Variants in NCAM1 observed in about 807,000 individuals in gnomAD.
NCAM1 encodes neural cell adhesion molecule 1.
Under a neutral mutation model 109.8 loss-of-function variants are expected in NCAM1, and 14 were observed. The ratio of observed to expected loss-of-function variants is 0.13; its 90% CI spans 0.08 to 0.20. The LOEUF (loss-of-function observed/expected upper bound fraction) is 0.20, where lower values mean the gene tolerates loss of function less well. Among genes scored for constraint, NCAM1 ranks in the 10% least tolerant of loss-of-function variants. The pLI is 1.00. For missense variants in NCAM1, 774 were observed against 1,109.9 expected, an observed-to-expected ratio of 0.70 and a Z score of 4.30; for synonymous variants, 418 against 442.9, an observed-to-expected ratio of 0.94 and a Z score of 0.70.
intron 1 of NCAM1, among the ~76,000 whole-genome samples, chr11:113,165,622 G>A (rs1445267145): frequency 6.6e-6 from 1 of 151,996 alleles, no homozygotes; most frequent in Non-Finnish European, 1.5e-5. Flanking sequence ...AGAGTAGAAT[G>A]TTTTCCTGCA....
intron 1 of NCAM1, among the ~76,000 whole-genome samples, chr11:113,122,766 A>G (rs1429111785): frequency 6.6e-6 from 1 of 152,188 alleles, no homozygotes; most frequent in African/African-American, 2.4e-5. Flanking sequence ...CCTGGGCAAC[A>G]AGAGCGAAAC....
chr11:113,039,040 GA>G lies in NCAM1; in HGVS notation c.52+77383del, dbSNP rs201585477. Among the ~76,000 whole-genome samples, 21 of 152,272 alleles carry G rather than the reference GA, an allele frequency of 1.4e-4. No homozygotes were observed. In the East Asian group the frequency reaches 3.7e-3, roughly 27 times the overall value. ...TACTTATACGACATAGATTTACATG[GA>G]AAAAAATATGCCTAACCAAAGGGAA... is the stretch of plus-strand genomic sequence containing the variant. On this transcript the variant is annotated intron_variant, in intron 1 of 19. Coordinates refer to ENST00000316851, the MANE Select transcript of NCAM1 (RefSeq NM_181351.5).
intron 1 of NCAM1, among the ~76,000 whole-genome samples, chr11:113,184,916 C>T (rs1448461083): frequency 6.6e-6 from 1 of 151,818 alleles, no homozygotes; most frequent in Non-Finnish European, 1.5e-5. Flanking sequence ...GTCATATCTA[C>T]TTTTAGAAAA....
At chr11:113,079,765 T>C (rs1938703036) in intron 1 of NCAM1, among the ~76,000 whole-genome samples, 1 of 152,246 alleles carries the variant, frequency 6.6e-6, no homozygotes, top group Admixed American at 6.5e-5. Flanking sequence ...TCGGTCTGTT[T>C]CACAGTGGCT....
At chr11:113,248,053 G>A (rs782270533) in intron 15 of NCAM1, among the ~76,000 whole-genome samples, 12 of 151,892 alleles carry the variant, frequency 7.9e-5, no homozygotes, top group East Asian at 3.9e-4. Flanking sequence ...GCTATAATTC[G>A]GAACGAAACA....
intron 1 of NCAM1, among the ~76,000 whole-genome samples, chr11:113,166,847 T>G (rs1942816233): frequency 2.0e-5 from 3 of 152,102 alleles, no homozygotes; most frequent in African/African-American, 7.2e-5. Flanking sequence ...CCAAGAAAAA[T>G]GAAATACAAA....
At chr11:113,208,679 G>A (rs1204860012) in intron 7 of NCAM1, among the ~76,000 whole-genome samples, 10 of 151,746 alleles carry the variant, frequency 6.6e-5, no homozygotes, top group Non-Finnish European at 1.3e-4. Context: ...TCTCTCTCTC[G>A]TGACTCTTAC....
chr11:113,010,261 A>T (rs1190132207), intron 1 of NCAM1, among the ~76,000 whole-genome samples: 1 of 152,236 alleles, frequency 6.6e-6, no homozygotes, highest in Non-Finnish European at 1.5e-5. Context: ...CACCTTTAGC[A>T]ATTCATTATG....
At chr11:113,264,579 T>C (rs1040255885) in intron 17 of NCAM1, 1 of 985,260 alleles carries the variant, frequency 1.0e-6, no homozygotes, top group South Asian at 4.7e-5. Flanking sequence ...GCTCTTAGGA[T>C]CACCTTGGGC....
At chr11:112,971,344 G>C (rs549856783) in intron 1 of NCAM1, among the ~76,000 whole-genome samples, 102 of 151,948 alleles carry the variant, frequency 6.7e-4, no homozygotes, top group Non-Finnish European at 1.1e-3. Context: ...GGAAGCTACT[G>C]TCATCGAAGG....
chr11:112,987,566 C>T (rs534043265), intron 1 of NCAM1, among the ~76,000 whole-genome samples: 2 of 152,180 alleles, frequency 1.3e-5, no homozygotes, highest in South Asian at 4.2e-4. Context: ...TATTTAGGTG[C>T]TCTGATGGTG....
chr11:113,104,208 G>T (rs868943718), intron 1 of NCAM1, among the ~76,000 whole-genome samples: 2 of 62,802 alleles, frequency 3.2e-5, no homozygotes, highest in East Asian at 8.7e-4. Context: ...GAGGTGGGGT[G>T]GGGGGGGGGG....
chr11:113,153,294 G>A (rs1942296051), intron 1 of NCAM1, among the ~76,000 whole-genome samples: 1 of 152,132 alleles, frequency 6.6e-6, no homozygotes, highest in African/African-American at 2.4e-5. Context: ...ACCCGCCTCA[G>A]CCTCCCAAAG....
At chr11:113,104,857 T>C (rs1286326735) in intron 1 of NCAM1, among the ~76,000 whole-genome samples, 2 of 152,212 alleles carry the variant, frequency 1.3e-5, no homozygotes, top group Admixed American at 1.3e-4. Context: ...TTAATCAACA[T>C]AAAAACAAAG....
intron 1 of NCAM1, among the ~76,000 whole-genome samples, chr11:113,066,748 C>T (rs1459743234): frequency 2.6e-5 from 4 of 152,072 alleles, no homozygotes; most frequent in African/African-American, 9.7e-5. Flanking sequence ...TGCCTGTAAT[C>T]CCAGCACTTT....
intron 1 of NCAM1, among the ~76,000 whole-genome samples, chr11:112,975,563 T>G (rs1434561807): frequency 1.3e-5 from 2 of 152,062 alleles, no homozygotes; most frequent in Non-Finnish European, 2.9e-5. Context: ...TTTCCTTTTG[T>G]GTGTGTAAGT....
rs377064101 is a variant in NCAM1 at position 113,137,110 on chromosome 11, G to T, written c.53-65269G>T. ...TAGCTTAAAGTAGTCCTAAAGCAGGGCATAGCAGGTAGAGGTTGTAGAAGG... is the reference window on the plus strand; with the variant it reads ...TAGCTTAAAGTAGTCCTAAAGCAGGTCATAGCAGGTAGAGGTTGTAGAAGG... On this transcript the variant is annotated intron_variant, in intron 1 of 19. Coordinates refer to ENST00000316851, the MANE Select transcript of NCAM1 (RefSeq NM_181351.5). Among the ~76,000 whole-genome samples, 3 of 152,342 alleles carry T rather than the reference G, an allele frequency of 2.0e-5. No individual in the cohort carries two copies. In the East Asian group the frequency reaches 5.8e-4, roughly 29 times the overall value.
At chr11:113,242,431 G>A (rs1399758145) in intron 14 of NCAM1, among the ~76,000 whole-genome samples, 1 of 152,134 alleles carries the variant, frequency 6.6e-6, no homozygotes, top group East Asian at 1.9e-4. Flanking sequence ...ACCGGTCTGG[G>A]CAACCTTGTC....
intron 1 of NCAM1, 71 bp from the exon 2 acceptor site, chr11:113,202,308 G>A (rs1555111959): frequency 7.1e-7 from 1 of 1,408,930 alleles, no homozygotes; most frequent in Non-Finnish European, 9.6e-7. Context: ...ACATTGGAAT[G>A]TACGTTTGAA....
Sources: gnomAD v4.1 joint callset for allele counts (sites outside exome capture counted in the v4.1 genomes callset) on GRCh38, gnomAD v4.1.1 for gene constraint, MANE v1.5 for transcripts, NCBI Gene and HGNC (gene_info 2026-07-23, HGNC 2026-07-21) for gene names.